The following TGFB2 variants were observed in gnomAD, a reference collection of about 807,000 sequenced individuals.
The protein encoded by TGFB2 is transforming growth factor beta-2 proprotein.
TGFB2 carries 13 observed loss-of-function variants against 42.7 expected under a neutral mutation model. The ratio of observed to expected loss-of-function variants is 0.30; its 90% CI spans 0.20 to 0.48. TGFB2 has a LOEUF of 0.48. Ranked by LOEUF, TGFB2 falls within the 20% of genes least tolerant of loss-of-function variation. The pLI is 0.99. For synonymous variants in TGFB2, 193 were observed against 193.6 expected (o/e 1.00, Z 0.03); for missense variants, 390 against 517.5 (o/e 0.75, Z 2.39).
chr1:218,377,717 A>T (rs901745906), intron 1 of TGFB2, among the ~76,000 whole-genome samples: 1 of 145,042 alleles, frequency 6.9e-6, no homozygotes, highest in African/African-American at 2.5e-5. Context: ...CGTGGCCTAT[A>T]CCCTGGGTAG....
chr1:218,413,155 T>C (rs933679536), intron 2 of TGFB2, among the ~76,000 whole-genome samples: 16 of 152,070 alleles, frequency 1.1e-4, no homozygotes, highest in African/African-American at 3.6e-4. Flanking sequence ...GTGGATTGCT[T>C]GAGCCCAGGA....
chr1:218,379,085 A>G (rs1054815959), intron 1 of TGFB2, among the ~76,000 whole-genome samples: 1 of 151,710 alleles, frequency 6.6e-6, no homozygotes, highest in African/African-American at 2.4e-5. Flanking sequence ...ACCTTTAATT[A>G]TAAAAGCAGA....
chr1:218,401,051 G>T (rs1658699373), intron 1 of TGFB2, among the ~76,000 whole-genome samples: 1 of 152,200 alleles, frequency 6.6e-6, no homozygotes, highest in Non-Finnish European at 1.5e-5. Context: ...TCAAGATGGT[G>T]ACTAGAGAGG....
intron 1 of TGFB2, among the ~76,000 whole-genome samples, chr1:218,384,780 A>C (rs1354946716): frequency 6.6e-6 from 1 of 152,254 alleles, no homozygotes; most frequent in African/African-American, 2.4e-5. Flanking sequence ...GACAGAAGGC[A>C]GAATTCAAAT....
At chr1:218,437,611 G>A in intron 6 of TGFB2, 115 bp downstream of exon 6, 1 of 1,105,204 alleles carries the variant, frequency 9.0e-7, no homozygotes, top group Non-Finnish European at 1.2e-6. Context: ...ACACATGTAT[G>A]GGTACTGGAG....
chr1:218,410,050 C>T (rs961357489), intron 2 of TGFB2, among the ~76,000 whole-genome samples: 1 of 152,216 alleles, frequency 6.6e-6, no homozygotes, highest in African/African-American at 2.4e-5. Context: ...CTGATTTTCC[C>T]TGGAAAGGAA....
At chr1:218,407,134 G>C (rs749160223) in intron 2 of TGFB2, among the ~76,000 whole-genome samples, 1 of 152,170 alleles carries the variant, frequency 6.6e-6, no homozygotes, top group Non-Finnish European at 1.5e-5. Context: ...ATCTTGCTCT[G>C]TCACCCAGGC....
chr1:218,438,846 T>C (rs1353276642), intron 6 of TGFB2, among the ~76,000 whole-genome samples: 1 of 152,204 alleles, frequency 6.6e-6, no homozygotes, highest in Non-Finnish European at 1.5e-5. Context: ...CAGTGACTCA[T>C]GCCTGTATTT....
At chr1:218,400,658 A>G (rs1459496516) in intron 1 of TGFB2, among the ~76,000 whole-genome samples, 4 of 152,080 alleles carry the variant, frequency 2.6e-5, no homozygotes, top group Non-Finnish European at 2.9e-5. Flanking sequence ...GTACCCCAAA[A>G]AGTATTGAAA....
intron 1 of TGFB2, among the ~76,000 whole-genome samples, chr1:218,376,570 G>A (rs1657748339): frequency 6.6e-6 from 1 of 152,142 alleles, no homozygotes; most frequent in South Asian, 2.1e-4. Context: ...TTAAGTGGAG[G>A]CCTTACTGTT....
intron 2 of TGFB2, among the ~76,000 whole-genome samples, chr1:218,409,822 G>A (rs1659038234): frequency 6.6e-6 from 1 of 152,152 alleles, no homozygotes; most frequent in Non-Finnish European, 1.5e-5. Flanking sequence ...AGGAAAACAG[G>A]GTGACTATGA....
intron 2 of TGFB2, among the ~76,000 whole-genome samples, chr1:218,410,204 A>G (rs892018645): frequency 6.6e-6 from 1 of 152,212 alleles, no homozygotes; most frequent in African/African-American, 2.4e-5. Flanking sequence ...CTGTCTCATA[A>G]AAATGCCGCC....
intron 3 of TGFB2, 39 bp downstream of exon 3, chr1:218,434,253 G>A: frequency 6.2e-7 from 1 of 1,612,408 alleles, no homozygotes; most frequent in Non-Finnish European, 8.5e-7. Flanking sequence ...AAGATGTTCA[G>A]TATCCCTAAG....
At chr1:218,406,793 G>T (rs1451226522) in intron 2 of TGFB2, among the ~76,000 whole-genome samples, 1 of 152,144 alleles carries the variant, frequency 6.6e-6, no homozygotes, top group Non-Finnish European at 1.5e-5. Context: ...AGACTGGGGA[G>T]AAGGTGGCCC....
intron 2 of TGFB2, among the ~76,000 whole-genome samples, chr1:218,431,594 A>G (rs958877228): frequency 2.6e-5 from 4 of 152,244 alleles, no homozygotes; most frequent in Non-Finnish European, 5.9e-5. Context: ...TCTAGGTAGT[A>G]TGTCTAAATG....
chr1:218,430,596 G>A (rs948012238), intron 2 of TGFB2, among the ~76,000 whole-genome samples: 5 of 152,182 alleles, frequency 3.3e-5, no homozygotes, highest in African/African-American at 1.2e-4. Flanking sequence ...AATGTAAGCA[G>A]CAGGTTGATT....
rs1037233236 is a variant in TGFB2 at position 218,442,444 on chromosome 1, A to T, written c.*1082A>T. The T allele has an allele frequency of 2.2e-4, 34 of 152,154 alleles. No homozygotes were observed. Among genetic ancestry groups the T allele is most frequent in the Non-Finnish European group, 2.9e-5 (2 of 68,016 alleles). The allele number at this position is 152,154 out of a possible 1,614,324, so 9.4% of individuals were successfully genotyped here. On this transcript the variant is annotated 3_prime_UTR_variant, in exon 7 of 7. Coordinates refer to ENST00000366930, the MANE Select transcript of TGFB2 (RefSeq NM_003238.6). ...TGTGTAAATTTTTACCATATTTTTT[A>T]TATTCTGTAATAATGTCAACTATGA...
rs35642714 is a variant in TGFB2 at position 218,416,292 on chromosome 1, CT to C, written c.510+10970del. On this transcript the variant is annotated intron_variant, in intron 2 of 6. Coordinates refer to ENST00000366930, the MANE Select transcript of TGFB2 (RefSeq NM_003238.6). ...TCCCAATTGATTTTTAATAAGGTTC[CT>C]TTTTTTTTTCATGTTGTAAATGTTC... Among the ~76,000 whole-genome samples the C allele has an allele frequency of 9.8e-4, 146 of 148,296 alleles. 3 individuals carry two copies. In the South Asian group the frequency reaches 0.018, roughly 19 times the overall value.
At position 218,409,869 on chromosome 1, in the gene TGFB2, AT is replaced by A. The variant is rs201705547; in HGVS notation, c.510+4540del. On this transcript the variant is annotated intron_variant, in intron 2 of 6. Coordinates refer to ENST00000366930, the MANE Select transcript of TGFB2 (RefSeq NM_003238.6). ...GGTCGTTTACATGGTTGTTTGGATT[AT>A]TTATTAGGACTCTTCAGGACACTGA... 8.5e-4 allele frequency among the ~76,000 whole-genome samples: 129 copies of A among 152,290 alleles called. 1 individual carries two copies. In the East Asian group the frequency reaches 0.017, roughly 20 times the overall value.
Sources: gnomAD v4.1 joint callset for allele counts (sites outside exome capture counted in the v4.1 genomes callset) on GRCh38, gnomAD v4.1.1 for gene constraint, MANE v1.5 for transcripts, NCBI Gene and HGNC (gene_info 2026-07-23, HGNC 2026-07-21) for gene names.